Variants in KDM2B observed in about 807,000 individuals in gnomAD.
KDM2B encodes lysine demethylase 2B.
A neutral mutation model predicts 150.0 loss-of-function variants in KDM2B; 26 were observed. That is an observed-to-expected ratio of 0.17 (90% CI 0.13 to 0.24). The LOEUF (loss-of-function observed/expected upper bound fraction) is 0.24. Among genes scored for constraint, KDM2B ranks in the 10% least tolerant of loss-of-function variants. KDM2B has a pLI of 1.00. For missense variants in KDM2B, 1,265 were observed against 1,816.9 expected (o/e 0.70, Z 5.52); for synonymous variants, 734 against 729.5 (o/e 1.01, Z -0.10).
At position 121,439,971 on chromosome 12, in the gene KDM2B, G is replaced by A. The variant is rs34898171; in HGVS notation, c.3715C>T (p.Leu1239=). ...SLRLIIRHMP[L]LSKLHLSYCN... ...TAACTGAGGTGGAGCTTGGAGAGCA[G>A]GGGCATGTGGCGGATGATGAGCCGC... The change falls in exon 22 of 23, where the codon CTG becomes TTG. Residue 1239 remains leucine (L), a synonymous_variant. Coordinates refer to ENST00000377071, the MANE Select transcript of KDM2B (RefSeq NM_032590.5). 3.0e-5 allele frequency: 49 copies of A among 1,614,190 alleles called. No individual in the cohort carries two copies. The African/African-American group carries it at 6.0e-4, about 20-fold the overall frequency.
At chr12:121,539,118 G>A (rs989053331) in intron 6 of KDM2B, among the ~76,000 whole-genome samples, 1 of 151,892 alleles carries the variant, frequency 6.6e-6, no homozygotes, top group Admixed American at 6.6e-5. Context: ...TTAATTAACA[G>A]GTTCTAATTA....
chr12:121,519,075 C>T (rs1280502514), intron 9 of KDM2B, among the ~76,000 whole-genome samples: 1 of 152,166 alleles, frequency 6.6e-6, no homozygotes, highest in East Asian at 1.9e-4. Context: ...CCAGCCCAGA[C>T]CCAGGTCTCT....
chr12:121,532,891 T>C lies in KDM2B; in HGVS notation c.846A>G (p.Lys282=). 1.2e-6 allele frequency: 2 copies of C among 1,614,238 alleles called. No individual in the cohort carries two copies. The highest frequency in any genetic ancestry group is 1.7e-6 in the Non-Finnish European group (2 of 1,180,032). Residue 282 remains lysine (K), a synonymous_variant, in exon 8 of 23, where the codon AAA becomes AAG. Coordinates refer to ENST00000377071, the MANE Select transcript of KDM2B (RefSeq NM_032590.5). ...GGTCTCCCAGAAAGATGTCACTCTGTTTGCCTGACAGCACCCACTCCTCGT... is the reference window on the plus strand; with the variant it reads ...GGTCTCCCAGAAAGATGTCACTCTGCTTGCCTGACAGCACCCACTCCTCGT... The part of the protein sequence containing the change: ...ALYEEWVLSG[K]QSDIFLGDRV...
intron 6 of KDM2B, among the ~76,000 whole-genome samples, chr12:121,541,272 C>T (rs1191786586): frequency 6.6e-6 from 1 of 151,490 alleles, no homozygotes; most frequent in East Asian, 1.9e-4. Context: ...GTGGCATACA[C>T]CTGTAGTGCC....
At chr12:121,433,274 C>G (rs1555285954) in intron 22 of KDM2B, 1 of 446,814 alleles carries the variant, frequency 2.2e-6, no homozygotes, top group Non-Finnish European at 4.5e-6. Flanking sequence ...GTTTCTCGGA[C>G]CTTCCACAGG....
chr12:121,490,701 C>T (rs1373105555), intron 12 of KDM2B, among the ~76,000 whole-genome samples: 2 of 152,156 alleles, frequency 1.3e-5, no homozygotes, highest in Non-Finnish European at 2.9e-5. Context: ...AAAACAAATC[C>T]TACACCACTC....
At chr12:121,529,356 C>T (rs769525509) in intron 8 of KDM2B, among the ~76,000 whole-genome samples, 13 of 152,190 alleles carry the variant, frequency 8.5e-5, no homozygotes, top group Non-Finnish European at 1.6e-4. Context: ...CCATGAACCA[C>T]GGACTGGGAG....
At chr12:121,486,332 C>CTT (rs1566326129) in intron 12 of KDM2B, among the ~76,000 whole-genome samples, 11 of 70,534 alleles carry the variant, frequency 1.6e-4, no homozygotes, top group African/African-American at 3.2e-4. Flanking sequence ...GTTTCGAACT[C>CTT]CTTTTTTTTT....
Position 121,467,050 on chromosome 12 carries a change from C to A in KDM2B, c.1735-13706G>T, listed in dbSNP as rs1566301962. Reference sequence around the variant, plus strand: ...CCGCCGGCAGCGGCAGCAAAACTTTCTCCTCATCGCGGCGGCGGCGGCGTC... The same window carrying A: ...CCGCCGGCAGCGGCAGCAAAACTTTATCCTCATCGCGGCGGCGGCGGCGTC... On this transcript the variant is annotated intron_variant, in intron 12 of 22. Transcript: ENST00000377071. The surrounding 1 kb of genome is among the most constrained non-coding windows in gnomAD (Gnocchi z 5.1). 3 of 538,722 alleles carry A rather than the reference C, an allele frequency of 5.6e-6. No homozygotes were observed. Among genetic ancestry groups the A allele is most frequent in the Non-Finnish European group, 4.9e-6 (2 of 409,800 alleles). 33.4% of individuals were successfully genotyped at this position (538,722 alleles called of 1,614,324 possible).
intron 12 of KDM2B, chr12:121,469,307 T>G (rs1306391477): frequency 1.1e-5 from 1 of 93,626 alleles, no homozygotes; most frequent in Non-Finnish European, 1.9e-5. Flanking sequence ...TTCCCAAAGG[T>G]CTCAGCTTTT....
At chr12:121,475,738 T>A (rs1259466182) in intron 12 of KDM2B, among the ~76,000 whole-genome samples, 6 of 145,350 alleles carry the variant, frequency 4.1e-5, no homozygotes, top group African/African-American at 5.1e-5. Context: ...TAAAAAAAAA[T>A]TTTTTTTAGA....
chr12:121,499,286 C>CTT (rs1185251331), intron 11 of KDM2B, among the ~76,000 whole-genome samples: 5 of 137,308 alleles, frequency 3.6e-5, no homozygotes, highest in East Asian at 2.1e-4. Flanking sequence ...ATTTTTGTAT[C>CTT]TTTTTTTTTT....
At chr12:121,567,606 A>T (rs1274609658) in intron 4 of KDM2B, among the ~76,000 whole-genome samples, 1 of 152,154 alleles carries the variant, frequency 6.6e-6, no homozygotes, top group African/African-American at 2.4e-5. Flanking sequence ...GGGAGAAGAC[A>T]GCCAACTACA....
At position 121,430,558 on chromosome 12, in the gene KDM2B, A is replaced by C; in HGVS notation, c.3830-89T>G. ...GACCCAGGCACTCAGCAGTGGGGAC[A>C]GGTCAGAGCTCTACATATTCCAGTC... On this transcript the variant is annotated intron_variant, in intron 22 of 22. Transcript: ENST00000377071. The surrounding 1 kb of genome is among the most constrained non-coding windows in gnomAD (Gnocchi z 4.4). 1 of 841,902 alleles carries C rather than the reference A, an allele frequency of 1.2e-6. No homozygotes were observed. Among genetic ancestry groups the C allele is most frequent in the Non-Finnish European group, 2.0e-6 (1 of 490,348 alleles). 52.2% of individuals were successfully genotyped at this position (841,902 alleles called of 1,614,324 possible).
At chr12:121,545,418 C>G (rs1344869098) in intron 6 of KDM2B, among the ~76,000 whole-genome samples, 1 of 151,536 alleles carries the variant, frequency 6.6e-6, no homozygotes, top group Non-Finnish European at 1.5e-5. Flanking sequence ...AGTGTGTGAG[C>G]CTCACTTTTT....
chr12:121,542,252 C>T (rs1888663535), intron 6 of KDM2B, among the ~76,000 whole-genome samples: 1 of 152,206 alleles, frequency 6.6e-6, no homozygotes, highest in Non-Finnish European at 1.5e-5. Flanking sequence ...CACGGGGATG[C>T]ACCATCTTGG....
In KDM2B at chr12:121,437,488, A is replaced by AAT. The variant is rs550645408; in HGVS notation, c.3829+2367_3829+2368dup. ...CATGTTATATAATAGCAAGCTAATA[A>AAT]ATATATAATGTCCACATGGGAAAAA... is the stretch of plus-strand genomic sequence containing the variant. On this transcript the variant is annotated intron_variant, in intron 22 of 22. Transcript: ENST00000377071. Among the ~76,000 whole-genome samples, 8 of 147,710 alleles carry AAT rather than the reference A, an allele frequency of 5.4e-5. No individual in the cohort carries two copies. The East Asian group carries it at 1.0e-3, about 19-fold the overall frequency.
intron 12 of KDM2B, among the ~76,000 whole-genome samples, chr12:121,486,259 C>T (rs1241317911): frequency 2.0e-5 from 3 of 151,342 alleles, no homozygotes; most frequent in Non-Finnish European, 4.4e-5. Flanking sequence ...CAGGTGCCCA[C>T]CACCATGCCC....
intron 6 of KDM2B, among the ~76,000 whole-genome samples, chr12:121,540,569 T>C (rs1888527581): frequency 6.7e-6 from 1 of 149,426 alleles, no homozygotes; most frequent in Admixed American, 6.7e-5. Context: ...GCCAACATGG[T>C]GAAACTCTGT....
Sources: allele counts gnomAD v4.1 joint callset (sites outside exome capture counted in the v4.1 genomes callset), GRCh38; gene constraint gnomAD v4.1.1; non-coding constraint Gnocchi (gnomAD v3.1); transcripts MANE v1.5; gene names NCBI Gene and HGNC (gene_info 2026-07-23, HGNC 2026-07-21).